LRP1B: variants seen among roughly 807,000 people sequenced by gnomAD.
The protein encoded by LRP1B is low-density lipoprotein receptor-related protein 1B.
LRP1B carries 217 observed loss-of-function variants against 556.6 expected under a neutral mutation model. The observed-to-expected ratio is 0.39, with a 90% CI of 0.35 to 0.44. The LOEUF (loss-of-function observed/expected upper bound fraction) is 0.44. Among genes scored for constraint, LRP1B ranks in the 20% least tolerant of loss-of-function variants. The pLI is 1.00. For synonymous variants in LRP1B, 2,047 were observed against 1,865.8 expected (o/e 1.10, Z -2.50); for missense variants, 5,053 against 5,620.8 (o/e 0.90, Z 3.23).
intron 32 of LRP1B, among the ~76,000 whole-genome samples, chr2:140,786,899 T>A (rs1278530783): frequency 6.6e-6 from 1 of 152,108 alleles, no homozygotes; most frequent in Non-Finnish European, 1.5e-5. Flanking sequence ...AGAATGACAG[T>A]GAGAGCGAGG....
chr2:140,901,980 T>C (rs1694118402), intron 23 of LRP1B, among the ~76,000 whole-genome samples: 1 of 152,118 alleles, frequency 6.6e-6, no homozygotes, highest in African/African-American at 2.4e-5. Flanking sequence ...CCTGAACATG[T>C]GATATTTTGA....
chr2:141,756,183 T>C (rs936371993), intron 2 of LRP1B, among the ~76,000 whole-genome samples: 6 of 152,082 alleles, frequency 3.9e-5, no homozygotes, highest in Admixed American at 3.9e-4. Context: ...TATTAATGTT[T>C]CCACAAATGT....
At position 140,843,180 on chromosome 2, in the gene LRP1B, C is replaced by G. The variant is rs116655113; in HGVS notation, c.4940-2088G>C. Among the ~76,000 whole-genome samples the G allele has an allele frequency of 2.9e-3, 410 of 143,236 alleles. 2 individuals are homozygous for G. Among genetic ancestry groups the G allele is most frequent in the South Asian group, 0.011 (50 of 4,366 alleles). The allele number at this position is 143,236 out of a possible 152,430, so 94.0% of individuals were successfully genotyped here. A position where few individuals can be genotyped will look rare whatever the true frequency, so the allele number is the denominator to read the frequency against. On this transcript the variant is annotated intron_variant, in intron 29 of 90. Transcript: ENST00000389484. Reference sequence around the variant, plus strand: ...TCCTTTTATTCATTTCTGATAGACTCTTAATAATATGGCCTGGAGAATATA... The same window carrying G: ...TCCTTTTATTCATTTCTGATAGACTGTTAATAATATGGCCTGGAGAATATA...
intron 3 of LRP1B, among the ~76,000 whole-genome samples, chr2:141,340,069 C>T (rs1688002631): frequency 6.6e-6 from 1 of 152,304 alleles, no homozygotes; most frequent in East Asian, 1.9e-4. Context: ...TATAAAGCTT[C>T]TCACACCTCT....
At chr2:140,951,518 G>A (rs1263689279) in intron 19 of LRP1B, among the ~76,000 whole-genome samples, 1 of 152,238 alleles carries the variant, frequency 6.6e-6, no homozygotes, top group East Asian at 1.9e-4. Context: ...CAATGTATAA[G>A]CTTCTCCTCC....
At chr2:141,206,257 C>T (rs1377635884) in intron 6 of LRP1B, among the ~76,000 whole-genome samples, 1 of 152,038 alleles carries the variant, frequency 6.6e-6, no homozygotes, top group Non-Finnish European at 1.5e-5. Flanking sequence ...GTTTTACTGT[C>T]CTCATAAGTA....
chr2:140,589,701 C>T (rs1185986257), intron 43 of LRP1B, among the ~76,000 whole-genome samples: 2 of 152,130 alleles, frequency 1.3e-5, no homozygotes, highest in Admixed American at 1.3e-4. Context: ...AAAGGAAATG[C>T]ACTATATAAT....
At chr2:140,909,588 A>C (rs1412170563) in intron 21 of LRP1B, among the ~76,000 whole-genome samples, 2 of 151,320 alleles carry the variant, frequency 1.3e-5, no homozygotes, top group African/African-American at 4.8e-5. Context: ...TTTTGCATTA[A>C]CATCATAAAT....
In LRP1B at chr2:141,947,521, G is replaced by A. The variant is rs149922117; in HGVS notation, c.83-137120C>T. On this transcript the variant is annotated intron_variant, in intron 1 of 90. Transcript: ENST00000389484. ...ACACCAAATGTCTCTTATGAGGTAGGTATAACACTAGTGCCCTGGAGATAA... is the reference window on the plus strand; with the variant it reads ...ACACCAAATGTCTCTTATGAGGTAGATATAACACTAGTGCCCTGGAGATAA... 6.6e-4 allele frequency among the ~76,000 whole-genome samples: 100 copies of A among 152,138 alleles called. 1 individual carries two copies. Among genetic ancestry groups the A allele is most frequent in the South Asian group, 1.7e-3 (8 of 4,824 alleles).
At chr2:141,337,183 T>G (rs1050762784) in intron 3 of LRP1B, among the ~76,000 whole-genome samples, 1 of 152,222 alleles carries the variant, frequency 6.6e-6, no homozygotes, top group Non-Finnish European at 1.5e-5. Context: ...TCAATTGCTC[T>G]GCATCTTTTC....
chr2:141,260,974 T>C (rs891542984), intron 3 of LRP1B, among the ~76,000 whole-genome samples: 5 of 152,156 alleles, frequency 3.3e-5, no homozygotes, highest in Non-Finnish European at 7.4e-5. Context: ...GAAAAAATTA[T>C]TCTTTCCCTA....
In LRP1B at chr2:141,430,405, T is replaced by C. The variant is rs1680519259; in HGVS notation, c.343+49991A>G. ...AAGCAACAATAAAAATAAAATGTAA[T>C]AGATCTAATTTTAAAATAATTAATG... On this transcript the variant is annotated intron_variant, in intron 3 of 90. Coordinates refer to ENST00000389484, the MANE Select transcript of LRP1B (RefSeq NM_018557.3). 2.0e-5 allele frequency among the ~76,000 whole-genome samples: 3 copies of C among 152,298 alleles called. No homozygotes were observed. The South Asian group carries it at 6.2e-4, about 32-fold the overall frequency.
intron 32 of LRP1B, among the ~76,000 whole-genome samples, chr2:140,787,448 T>C (rs1014898198): frequency 6.6e-6 from 1 of 152,156 alleles, no homozygotes; most frequent in African/African-American, 2.4e-5. Flanking sequence ...AGAGGTAGGA[T>C]TCACCTGATC....
At chr2:141,819,011 C>T (rs1223052191) in intron 1 of LRP1B, among the ~76,000 whole-genome samples, 8 of 151,156 alleles carry the variant, frequency 5.3e-5, no homozygotes, top group Non-Finnish European at 8.9e-5. Flanking sequence ...GAGGCTGAGG[C>T]GGGTGGATCA....
chr2:141,802,293 C>A (rs976266127), intron 2 of LRP1B, among the ~76,000 whole-genome samples: 1 of 152,026 alleles, frequency 6.6e-6, no homozygotes, highest in African/African-American at 2.4e-5. Context: ...CTTTCCCTCC[C>A]AAGGTATCTT....
chr2:141,829,576 C>T (rs1346334443), intron 1 of LRP1B, among the ~76,000 whole-genome samples: 2 of 151,962 alleles, frequency 1.3e-5, no homozygotes, highest in East Asian at 1.9e-4. Flanking sequence ...TAATTGTCTT[C>T]AGTGTTTTAC....
intron 2 of LRP1B, among the ~76,000 whole-genome samples, chr2:141,690,401 ATATATAT>A (rs1558806526): frequency 0.019 from 2,093 of 107,484 alleles, 158 homozygotes; most frequent in Non-Finnish European, 0.025. Flanking sequence ...CTATAAATAT[ATATATAT>A]ATATATATAT....
At chr2:141,458,421 T>A (rs1013187332) in intron 3 of LRP1B, among the ~76,000 whole-genome samples, 1 of 152,184 alleles carries the variant, frequency 6.6e-6, no homozygotes, top group Admixed American at 6.5e-5. Flanking sequence ...ATTGTCTGCA[T>A]TTTGGCAACG....
Position 140,701,812 on chromosome 2 carries a change from G to C in LRP1B, c.6336C>G (p.His2112Gln), listed in dbSNP as rs773198442. The C allele has an allele frequency of 6.2e-6, 10 of 1,613,160 alleles. No homozygotes were observed. Among genetic ancestry groups the C allele is most frequent in the Middle Eastern group, 1.7e-4 (1 of 6,054 alleles). ...AHANGSVRRG[H>Q]KNDATETITM... ...TTATCGTTTCTGTGGCATCATTCTT[G>C]TGGCCCCTTCTGACAGACCCGTTTG... Residue 2112 changes from histidine to glutamine, a missense_variant, in exon 40 of 91, where the codon CAC (histidine) becomes CAG (glutamine). Physicochemically the swap from His to Gln is conservative, Grantham distance 24. Coordinates refer to ENST00000389484, the MANE Select transcript of LRP1B (RefSeq NM_018557.3).
Sources: gnomAD v4.1 joint callset for allele counts (sites outside exome capture counted in the v4.1 genomes callset) on GRCh38, gnomAD v4.1.1 for gene constraint, MANE v1.5 for transcripts, NCBI Gene and HGNC (gene_info 2026-07-23, HGNC 2026-07-21) for gene names.